TCERG1L: variants seen among roughly 807,000 people sequenced by gnomAD.
The protein encoded by TCERG1L is transcription elongation regulator 1-like protein.
A neutral mutation model predicts 56.3 loss-of-function variants in TCERG1L; 37 were observed. That is an observed-to-expected ratio of 0.66 (90% CI 0.51 to 0.87). TCERG1L has a LOEUF of 0.87. Ranked by LOEUF, TCERG1L falls within the 40% of genes least tolerant of loss-of-function variation. The probability of loss-of-function intolerance (pLI) is 0.00; values close to 1 mark genes in which losing one functional copy is unlikely to be tolerated. For missense variants in TCERG1L, 799 were observed against 774.2 expected, an observed-to-expected ratio of 1.03 and a Z score of -0.38; for synonymous variants, 324 against 326.3, an observed-to-expected ratio of 0.99 and a Z score of 0.08.
At chr10:131,119,623 C>G (rs1233011432) in intron 8 of TCERG1L, among the ~76,000 whole-genome samples, 7 of 152,220 alleles carry the variant, frequency 4.6e-5, no homozygotes, top group African/African-American at 1.7e-4. Flanking sequence ...GGCTGCCGCA[C>G]GCCTTCCAAA....
At chr10:131,189,970 C>T (rs1277788857) in intron 4 of TCERG1L, among the ~76,000 whole-genome samples, 1 of 151,760 alleles carries the variant, frequency 6.6e-6, no homozygotes, top group South Asian at 2.1e-4. Context: ...ATACAAAAGA[C>T]CAATGAAACA....
intron 3 of TCERG1L, among the ~76,000 whole-genome samples, chr10:131,286,901 C>A (rs1684049794): frequency 1.3e-5 from 2 of 152,222 alleles, no homozygotes; most frequent in Admixed American, 1.3e-4. Context: ...AGCCCCTGAC[C>A]TGGGCTAGCC....
intron 3 of TCERG1L, among the ~76,000 whole-genome samples, chr10:131,265,073 T>A (rs567675024): frequency 1.8e-4 from 28 of 152,190 alleles, no homozygotes; most frequent in Non-Finnish European, 4.1e-4. Flanking sequence ...CGAGTCCATT[T>A]TTTTTAACGA....
At chr10:131,270,201 A>G (rs1169617907) in intron 3 of TCERG1L, among the ~76,000 whole-genome samples, 1 of 152,206 alleles carries the variant, frequency 6.6e-6, no homozygotes, top group Admixed American at 6.5e-5. Flanking sequence ...CCAGGCAAAC[A>G]GAAGAGTGCC....
intron 6 of TCERG1L, chr10:131,156,262 T>A (rs1564803467): frequency 6.6e-6 from 1 of 152,182 alleles, no homozygotes; most frequent in South Asian, 2.1e-4. Context: ...TTGATACTAG[T>A]TTTTCAAAAG....
chr10:131,199,320 A>C (rs1469251715), intron 4 of TCERG1L, among the ~76,000 whole-genome samples: 1 of 152,024 alleles, frequency 6.6e-6, no homozygotes, highest in Non-Finnish European at 1.5e-5. Flanking sequence ...TTCTCTTTTG[A>C]TTGTAAATTC....
chr10:131,311,652 G>A lies in TCERG1L; in HGVS notation c.-17C>T, dbSNP rs963236734. On this transcript the variant is annotated 5_prime_UTR_variant, in exon 1 of 12. Coordinates refer to ENST00000368642, the MANE Select transcript of TCERG1L (RefSeq NM_174937.4). The surrounding 1 kb of genome is among the most constrained non-coding windows in gnomAD (Gnocchi z 4.0). ...CGCCTGCATCCTACATCCCCGCGCTGACGGCGGCGGCGGGGGCGGCGGGCG... is the reference window on the plus strand; with the variant it reads ...CGCCTGCATCCTACATCCCCGCGCTAACGGCGGCGGCGGGGGCGGCGGGCG... The A allele has an allele frequency of 2.0e-3, 2,259 of 1,113,914 alleles. 5 individuals are homozygous for A. Among genetic ancestry groups the A allele is most frequent in the Non-Finnish European group, 2.4e-3 (2,171 of 912,376 alleles). 69.0% of individuals were successfully genotyped at this position (1,113,914 alleles called of 1,614,324 possible).
chr10:131,136,504 G>A (rs1398638141), intron 7 of TCERG1L, among the ~76,000 whole-genome samples: 4 of 152,036 alleles, frequency 2.6e-5, no homozygotes, highest in South Asian at 2.1e-4. Flanking sequence ...GCCCAGGCCC[G>A]CCCTCAGAGG....
At chr10:131,191,484 C>G (rs1845301070) in intron 4 of TCERG1L, among the ~76,000 whole-genome samples, 1 of 143,652 alleles carries the variant, frequency 7.0e-6, no homozygotes, top group South Asian at 2.1e-4. Flanking sequence ...TCAAATTATA[C>G]TATAATACAA....
At chr10:131,257,280 C>A (rs1041700841) in intron 4 of TCERG1L, among the ~76,000 whole-genome samples, 1 of 152,130 alleles carries the variant, frequency 6.6e-6, no homozygotes, top group African/African-American at 2.4e-5. Flanking sequence ...CCAACGGACA[C>A]AAAGGACACC....
chr10:131,170,865 C>T (rs969956982), intron 4 of TCERG1L, among the ~76,000 whole-genome samples: 2 of 152,000 alleles, frequency 1.3e-5, no homozygotes, highest in African/African-American at 4.8e-5. Flanking sequence ...AAAAGTGTGG[C>T]GGCCGGGCGC....
intron 3 of TCERG1L, among the ~76,000 whole-genome samples, chr10:131,281,317 G>A (rs965385796): frequency 2.0e-5 from 3 of 152,102 alleles, no homozygotes; most frequent in Admixed American, 2.0e-4. Flanking sequence ...CCCTCTGAGC[G>A]TGTCCACCGT....
At chr10:131,214,594 A>G (rs1845650026) in intron 4 of TCERG1L, among the ~76,000 whole-genome samples, 1 of 152,228 alleles carries the variant, frequency 6.6e-6, no homozygotes, top group African/African-American at 2.4e-5. Flanking sequence ...TGCTCCCACA[A>G]TGCCTGACAC....
At chr10:131,285,002 A>T (rs1471855343) in intron 3 of TCERG1L, among the ~76,000 whole-genome samples, 1 of 152,216 alleles carries the variant, frequency 6.6e-6, no homozygotes. Context: ...CTTCCAAAAC[A>T]TTAAAAAAAG....
chr10:131,113,127 T>G (rs956659625), intron 9 of TCERG1L, among the ~76,000 whole-genome samples: 1 of 143,462 alleles, frequency 7.0e-6, no homozygotes, highest in African/African-American at 2.5e-5. Context: ...CAGAGTATTT[T>G]ACCAGCTTTT....
intron 8 of TCERG1L, among the ~76,000 whole-genome samples, chr10:131,125,207 A>AGATGATGATGATGGTGATGGT (rs545620568): frequency 1.4e-5 from 1 of 70,564 alleles, no homozygotes; most frequent in African/African-American, 3.8e-5. Flanking sequence ...ATGGTGATGA[A>AGATGATGATGATGGTGATGGT]CATGATGATG....
chr10:131,095,215 G>GCGGCCAACCCCACCGGA (rs1248098941), intron 11 of TCERG1L: 41 of 146,950 alleles, frequency 2.8e-4, no homozygotes, highest in Non-Finnish European at 4.5e-4. Context: ...ACCCCACCGG[G>GCGGCCAACCCCACCGGA]CGGCCAACCC....
intron 4 of TCERG1L, among the ~76,000 whole-genome samples, chr10:131,234,614 A>C (rs1218634676): frequency 6.6e-6 from 1 of 152,220 alleles, no homozygotes; most frequent in Non-Finnish European, 1.5e-5. Flanking sequence ...AAGGGCAAAA[A>C]ATAACCAGCA....
chr10:131,242,786 A>G (rs1845987586), intron 4 of TCERG1L, among the ~76,000 whole-genome samples: 2 of 152,220 alleles, frequency 1.3e-5, no homozygotes, highest in Non-Finnish European at 2.9e-5. Flanking sequence ...AGGATGCTGC[A>G]CCTGTGTCTG....
Sources: gnomAD v4.1 joint callset for allele counts (sites outside exome capture counted in the v4.1 genomes callset) on GRCh38, gnomAD v4.1.1 for gene constraint, Gnocchi (gnomAD v3.1) non-coding constraint, MANE v1.5 for transcripts, NCBI Gene and HGNC (gene_info 2026-07-23, HGNC 2026-07-21) for gene names.